Variants in RFC4 observed in about 807,000 individuals in gnomAD.
RFC4 encodes replication factor C subunit 4.
A neutral mutation model predicts 47.6 loss-of-function variants in RFC4; 38 were observed. That is an observed-to-expected ratio of 0.80 (90% CI 0.62 to 1.05). RFC4 has a LOEUF of 1.05. RFC4 is among the 50% of genes least tolerant of loss of function. RFC4 has a pLI of 0.00. For synonymous variants in RFC4, 164 were observed against 150.0 expected (o/e 1.09, Z -0.68); for missense variants, 489 against 434.0 (o/e 1.13, Z -1.13).
rs535188224 is a variant in RFC4, at chr3:186,790,877, A to G, written c.802-471T>C. Among the ~76,000 whole-genome samples, 23 of 152,344 alleles carry G rather than the reference A, an allele frequency of 1.5e-4. No individual in the cohort carries two copies. The South Asian group carries it at 2.5e-3, about 16-fold the overall frequency. ...GGATTAGTGGTACCAGTCTTGTCAT[A>G]TGGAAGGCCTACCGTGAAGGTGAAA... On this transcript the variant is annotated intron_variant, in intron 8 of 10. Transcript: ENST00000296273.
At chr3:186,790,672 C>T (rs1405070210) in intron 8 of RFC4, among the ~76,000 whole-genome samples, 1 of 152,198 alleles carries the variant, frequency 6.6e-6, no homozygotes, top group Non-Finnish European at 1.5e-5. Flanking sequence ...TTGTTCTGGT[C>T]AGTGGATGAA....
intron 8 of RFC4, 59 bp downstream of exon 8, chr3:186,791,666 T>C (rs1215226420): frequency 6.6e-7 from 1 of 1,517,900 alleles, no homozygotes; most frequent in Admixed American, 1.7e-5. Context: ...GGATGAAAAT[T>C]TCCTAAAAGC....
At chr3:186,800,909 T>C (rs1197171058) in intron 3 of RFC4, among the ~76,000 whole-genome samples, 1 of 152,200 alleles carries the variant, frequency 6.6e-6, no homozygotes. Flanking sequence ...GACTTTTACT[T>C]GAATACTAGG....
At position 186,799,632 on chromosome 3, in the gene RFC4, G is replaced by A. The variant is rs573845689; in HGVS notation, c.210+1485C>T. Among the ~76,000 whole-genome samples, 7 of 152,174 alleles carry A rather than the reference G, an allele frequency of 4.6e-5. No individual in the cohort carries two copies. In the South Asian group the frequency reaches 1.5e-3, roughly 32 times the overall value. On this transcript the variant is annotated intron_variant, in intron 3 of 10. Coordinates refer to ENST00000296273, the MANE Select transcript of RFC4 (RefSeq NM_002916.5). Reference sequence around the variant, plus strand: ...GGAGGCTGAGGTGGGAGGATCACTTGAGCCTGGGAGGCGGAGGTTGCAGTG... The same window carrying A: ...GGAGGCTGAGGTGGGAGGATCACTTAAGCCTGGGAGGCGGAGGTTGCAGTG...
At chr3:186,795,060 A>G (rs1371349135) in intron 4 of RFC4, among the ~76,000 whole-genome samples, 1 of 152,242 alleles carries the variant, frequency 6.6e-6, no homozygotes, top group African/African-American at 2.4e-5. Context: ...GCTGGAGAAC[A>G]GTGGCATGAT....
chr3:186,790,467 C>T (rs1231378769), intron 8 of RFC4, 61 bp from the exon 9 acceptor site: 7 of 1,169,368 alleles, frequency 6.0e-6, no homozygotes, highest in Non-Finnish European at 9.0e-6. Context: ...ATACACTCTG[C>T]CAACTGGCCC....
chr3:186,802,705 C>T (rs1369248200), intron 2 of RFC4, among the ~76,000 whole-genome samples: 1 of 152,060 alleles, frequency 6.6e-6, no homozygotes, highest in Non-Finnish European at 1.5e-5. Context: ...TTCGATAAAT[C>T]AGGTTAACAC....
rs1379698769 is a variant in RFC4, at chr3:186,796,747, T to G, written c.290+788A>C. On this transcript the variant is annotated intron_variant, in intron 4 of 10. Coordinates refer to ENST00000296273, the MANE Select transcript of RFC4 (RefSeq NM_002916.5). This position sits in a 1 kb window ranked among gnomAD's most constrained non-coding sequence, Gnocchi z 4.2. ...CACCTGCCTCGGCCTCCCAAAGTGC[T>G]GGGATTACAGATGTGAGCCACCACA... Among the ~76,000 whole-genome samples the G allele has an allele frequency of 6.6e-6, 1 of 152,238 alleles. No individual in the cohort carries two copies. The highest frequency in any genetic ancestry group is 1.5e-5 in the Non-Finnish European group (1 of 68,046).
chr3:186,790,062 T>C lies in RFC4; in HGVS notation c.999A>G (p.Glu333=), dbSNP rs1263382005. The C allele has an allele frequency of 2.5e-6, 4 of 1,613,216 alleles. No homozygotes were observed. The highest frequency in any genetic ancestry group is 1.3e-5 in the African/African-American group (1 of 74,924). The change falls in exon 11 of 11, where the codon GAA becomes GAG. Residue 333 remains glutamate, a splice_region_variant and synonymous_variant. Coordinates refer to ENST00000296273, the MANE Select transcript of RFC4 (RefSeq NM_002916.5). The part of the protein sequence containing the change: ...QKSIITEKLA[E]VDKCLADGAD... ...CACCATCTGCTAGGCATTTGTCAACTTCCTACGAGAAAAATTTAAGAAATT... is the reference window on the plus strand; with the variant it reads ...CACCATCTGCTAGGCATTTGTCAACCTCCTACGAGAAAAATTTAAGAAATT...
rs1263999771 is a variant in RFC4 at position 186,793,912 on chromosome 3, TG to T, written c.410+745del. 2.6e-5 allele frequency among the ~76,000 whole-genome samples: 4 copies of T among 152,054 alleles called. No homozygotes were observed. The highest frequency in any genetic ancestry group is 9.7e-5 in the African/African-American group (4 of 41,406). Reference sequence around the variant, plus strand: ...TAATTTTTTGTATTTTTAGTAGAGATGGGGTTTCACCATGTTCGCCAGGATG... The same window carrying T: ...TAATTTTTTGTATTTTTAGTAGAGATGGGTTTCACCATGTTCGCCAGGATG... On this transcript the variant is annotated intron_variant, in intron 5 of 10. Coordinates refer to ENST00000296273, the MANE Select transcript of RFC4 (RefSeq NM_002916.5). This position sits in a 1 kb window ranked among gnomAD's most constrained non-coding sequence, Gnocchi z 4.2.
In RFC4 at chr3:186,789,909, T is replaced by C; in HGVS notation, c.*60A>G. On this transcript the variant is annotated 3_prime_UTR_variant, in exon 11 of 11. Coordinates refer to ENST00000296273, the MANE Select transcript of RFC4 (RefSeq NM_002916.5). ...ATATTCACTTTAAAGGTGCTTTTGG[T>C]CATTTTATTTTTATTACAACTTCAT... 3.7e-6 allele frequency: 4 copies of C among 1,081,150 alleles called. No individual in the cohort carries two copies. Among genetic ancestry groups the C allele is most frequent in the African/African-American group, 1.6e-5 (1 of 63,594 alleles). 67.0% of individuals were successfully genotyped at this position (1,081,150 alleles called of 1,614,324 possible).
chr3:186,805,870 C>T lies in RFC4; in HGVS notation c.-12+420G>A, dbSNP rs189201257. The stretch of plus-strand genomic sequence containing the variant: ...AGTGCCTGGTACATGGTAGATGCTC[C>T]GTAATATTTGGTGAATGAATTACCA... On this transcript the variant is annotated intron_variant, in intron 1 of 10. Transcript: ENST00000296273. 1.7e-3 allele frequency among the ~76,000 whole-genome samples: 264 copies of T among 152,206 alleles called. 1 individual carries two copies. Among genetic ancestry groups the T allele is most frequent in the Middle Eastern group, 3.4e-3 (1 of 294 alleles).
chr3:186,790,118 G>A (rs367890596), intron 10 of RFC4, 24 bp downstream of exon 10: 2 of 1,602,554 alleles, frequency 1.2e-6, no homozygotes, highest in Non-Finnish European at 1.7e-6. Context: ...ATGTTCCATT[G>A]ACATGTGCAA....
intron 9 of RFC4, 35 bp downstream of exon 9, chr3:186,790,291 T>TGA: frequency 6.2e-7 from 1 of 1,611,202 alleles, no homozygotes; most frequent in Non-Finnish European, 8.5e-7. Flanking sequence ...GATGACTTAA[T>TGA]ATTCCTTTCC....
intron 1 of RFC4, chr3:186,805,542 G>A (rs1463614255): frequency 6.6e-6 from 1 of 152,166 alleles, no homozygotes; most frequent in Non-Finnish European, 1.5e-5. Flanking sequence ...TTTCATGGCA[G>A]AGTCAATGCT....
At chr3:186,792,685 C>T (rs1722167505) in intron 6 of RFC4, 75 bp from the exon 7 acceptor site, 5 of 1,567,516 alleles carry the variant, frequency 3.2e-6, no homozygotes, top group Admixed American at 3.8e-5. Flanking sequence ...TTATCAAGAA[C>T]AAATCAAGAT....
chr3:186,797,431 T>C (rs1722264729), intron 4 of RFC4, 104 bp downstream of exon 4: 1 of 759,782 alleles, frequency 1.3e-6, no homozygotes, highest in African/African-American at 1.8e-5. Flanking sequence ...TAGAAAACTA[T>C]CCTACAGAAA....
chr3:186,806,083 C>T (rs1226462628), intron 1 of RFC4, among the ~76,000 whole-genome samples: 1 of 152,226 alleles, frequency 6.6e-6, no homozygotes, highest in African/African-American at 2.4e-5. Flanking sequence ...ATTAGTCCAT[C>T]CCTGCCTCGG....
rs202135597 is a variant in RFC4 at position 186,793,592 on chromosome 3, T to TA, written c.411-646dup. ...TAGTTATTTTCTGTATTTTTTATCA[T>TA]AGCCATCCTAGTGGGAGTTACGTGG... On this transcript the variant is annotated intron_variant, in intron 5 of 10. Coordinates refer to ENST00000296273, the MANE Select transcript of RFC4 (RefSeq NM_002916.5). This position sits in a 1 kb window ranked among gnomAD's most constrained non-coding sequence, Gnocchi z 4.2. Among the ~76,000 whole-genome samples the TA allele has an allele frequency of 0.01, 1,568 of 152,382 alleles. 15 individuals carry two copies. The highest frequency in any genetic ancestry group is 0.016 in the Non-Finnish European group (1,066 of 68,038).
Sources: allele counts gnomAD v4.1 joint callset (sites outside exome capture counted in the v4.1 genomes callset), GRCh38; gene constraint gnomAD v4.1.1; non-coding constraint Gnocchi (gnomAD v3.1); transcripts MANE v1.5; gene names NCBI Gene and HGNC (gene_info 2026-07-23, HGNC 2026-07-21).